Variants in RIT2 observed in about 807,000 individuals in gnomAD.
RIT2 encodes Ras like without CAAX 2.
In RIT2, 24 loss-of-function variants were observed where a neutral mutation model predicts 23.7. That is an observed-to-expected ratio of 1.01 (90% CI 0.73 to 1.43). RIT2 has a LOEUF of 1.43. Among genes scored for constraint, RIT2 ranks in the 40% most tolerant of loss-of-function variants. The pLI, the probability that RIT2 is intolerant of heterozygous loss-of-function variation, is 0.00. For missense variants in RIT2, 236 were observed against 266.9 expected, an observed-to-expected ratio of 0.88 and a Z score of 0.81; for synonymous variants, 107 against 91.1, an observed-to-expected ratio of 1.17 and a Z score of -0.99.
In RIT2 at chr18:42,965,128, T is replaced by C. The variant is rs548662184; in HGVS notation, c.234+8946A>G. 2.0e-5 allele frequency among the ~76,000 whole-genome samples: 3 copies of C among 152,338 alleles called. No individual in the cohort carries two copies. In the East Asian group the frequency reaches 5.8e-4, roughly 29 times the overall value. The stretch of plus-strand genomic sequence containing the variant: ...TGTTTGAATCTGTCATAGCTATCAG[T>C]AATGTTCAGAGAACATGATCCATGT... On this transcript the variant is annotated intron_variant, in intron 3 of 4. Coordinates refer to ENST00000326695, the MANE Select transcript of RIT2 (RefSeq NM_002930.4).
rs535936983 is a variant in RIT2 at position 42,941,915 on chromosome 18, C to G, written c.235-18152G>C. ...AGAAGTTAAATAACCTGTCCAAGAT[C>G]ACACGACTAGTTAGTCGTAGAACTG... On this transcript the variant is annotated intron_variant, in intron 3 of 4. Coordinates refer to ENST00000326695, the MANE Select transcript of RIT2 (RefSeq NM_002930.4). Among the ~76,000 whole-genome samples the G allele has an allele frequency of 3.3e-5, 5 of 152,168 alleles. No individual in the cohort carries two copies. In the South Asian group the frequency reaches 1.0e-3, roughly 32 times the overall value.
intron 4 of RIT2, among the ~76,000 whole-genome samples, chr18:42,827,832 C>T (rs1007115335): frequency 4.8e-4 from 73 of 151,548 alleles, no homozygotes; most frequent in African/African-American, 1.6e-3. Context: ...GGTGAAACCC[C>T]GTCTCTACTA....
chr18:42,749,904 TTACAG>T (rs1295122530), intron 4 of RIT2, among the ~76,000 whole-genome samples: 1 of 151,486 alleles, frequency 6.6e-6, no homozygotes, highest in Non-Finnish European at 1.5e-5. Flanking sequence ...TGCAAATTGT[TTACAG>T]TAACATTATT....
At chr18:42,777,508 T>C (rs1025245225) in intron 4 of RIT2, among the ~76,000 whole-genome samples, 2 of 152,148 alleles carry the variant, frequency 1.3e-5, no homozygotes, top group African/African-American at 4.8e-5. Flanking sequence ...TGTGGAATCC[T>C]GAAAGCCATG....
At chr18:42,799,894 C>A (rs1267345814) in intron 4 of RIT2, among the ~76,000 whole-genome samples, 3 of 152,178 alleles carry the variant, frequency 2.0e-5, no homozygotes, top group South Asian at 2.1e-4. Context: ...TAATCTAATT[C>A]TCCCACCATT....
At chr18:42,910,029 T>C (rs1026193786) in intron 4 of RIT2, among the ~76,000 whole-genome samples, 1 of 152,164 alleles carries the variant, frequency 6.6e-6, no homozygotes, top group African/African-American at 2.4e-5. Context: ...GTTTTTATAC[T>C]TAACTTGAAA....
In RIT2 at chr18:42,964,229, AAATC is replaced by A. The variant is rs528536774; in HGVS notation, c.234+9841_234+9844del. ...AATAAATAAATATAATAAAAAAATA[AAATC>A]AATCAATCAATCAATCTTCAGGCCT... On this transcript the variant is annotated intron_variant, in intron 3 of 4. Coordinates refer to ENST00000326695, the MANE Select transcript of RIT2 (RefSeq NM_002930.4). 8.0e-3 allele frequency among the ~76,000 whole-genome samples: 1,218 copies of A among 151,930 alleles called. 26 individuals carry two copies. Among genetic ancestry groups the A allele is most frequent in the African/African-American group, 0.028 (1,152 of 41,472 alleles).
At chr18:43,014,035 A>G (rs1360485213) in intron 2 of RIT2, among the ~76,000 whole-genome samples, 3 of 151,784 alleles carry the variant, frequency 2.0e-5, no homozygotes, top group African/African-American at 4.8e-5. Flanking sequence ...GGAATTTCAA[A>G]ATAAAAGATA....
intron 2 of RIT2, among the ~76,000 whole-genome samples, chr18:43,004,459 G>A (rs1413569763): frequency 6.6e-6 from 1 of 151,788 alleles, no homozygotes; most frequent in Non-Finnish European, 1.5e-5. Context: ...CATTAAAAAA[G>A]TAATTTTCAA....
rs1434815722 is a variant in RIT2 at position 42,878,578 on chromosome 18, TG to T, written c.426+44993del. On this transcript the variant is annotated intron_variant, in intron 4 of 4. Transcript: ENST00000326695. The stretch of plus-strand genomic sequence containing the variant: ...CAAGATTCAACTCTGTGTGTGTGTG[TG>T]TGTGTGTGTGTGTGTGTGTATGTGT... Among the ~76,000 whole-genome samples the T allele has an allele frequency of 2.0e-5, 3 of 151,508 alleles. No individual in the cohort carries two copies. In the East Asian group the frequency reaches 5.8e-4, roughly 29 times the overall value.
intron 1 of RIT2, among the ~76,000 whole-genome samples, chr18:43,083,687 A>C (rs1023945777): frequency 1.3e-5 from 2 of 152,242 alleles, no homozygotes; most frequent in African/African-American, 4.8e-5. Context: ...TCATATGCAG[A>C]AAACTGAAAC....
chr18:43,084,994 A>G (rs1043007511), intron 1 of RIT2, among the ~76,000 whole-genome samples: 3 of 152,102 alleles, frequency 2.0e-5, no homozygotes, highest in Admixed American at 1.3e-4. Context: ...GGAGTATCTT[A>G]TAGTTCTGTG....
At chr18:43,089,596 A>T (rs998557626) in intron 1 of RIT2, among the ~76,000 whole-genome samples, 21 of 152,002 alleles carry the variant, frequency 1.4e-4, no homozygotes, top group Non-Finnish European at 2.4e-4. Context: ...AAAATAAAAA[A>T]AAAAATAAAG....
At chr18:42,790,815 T>G (rs576432751) in intron 4 of RIT2, among the ~76,000 whole-genome samples, 3 of 152,368 alleles carry the variant, frequency 2.0e-5, no homozygotes, top group Non-Finnish European at 2.9e-5. Flanking sequence ...TAATGATGTG[T>G]TCTCATTTTA....
chr18:42,937,938 T>C (rs1351002633), intron 3 of RIT2, among the ~76,000 whole-genome samples: 3 of 152,104 alleles, frequency 2.0e-5, no homozygotes, highest in African/African-American at 7.2e-5. Context: ...GGTCAAGGCA[T>C]TGGTAGTTCT....
chr18:42,758,017 A>G (rs1018289877), intron 4 of RIT2, among the ~76,000 whole-genome samples: 17 of 148,738 alleles, frequency 1.1e-4, no homozygotes, highest in African/African-American at 4.2e-4. Context: ...TTTTTAATCT[A>G]TTTCAATCCT....
chr18:42,860,975 G>C (rs1332338966), intron 4 of RIT2, among the ~76,000 whole-genome samples: 1 of 152,180 alleles, frequency 6.6e-6, no homozygotes, highest in East Asian at 1.9e-4. Context: ...GTGTGTTTTT[G>C]TGTGTTTCTG....
At chr18:42,750,522 T>C (rs1178548679) in intron 4 of RIT2, among the ~76,000 whole-genome samples, 2 of 151,852 alleles carry the variant, frequency 1.3e-5, no homozygotes. Flanking sequence ...TGTCCTCCAG[T>C]ATAGTAATAT....
chr18:42,908,132 C>G (rs1360156815), intron 4 of RIT2, among the ~76,000 whole-genome samples: 1 of 143,110 alleles, frequency 7.0e-6, no homozygotes, highest in Non-Finnish European at 1.5e-5. Flanking sequence ...AATAACCAAA[C>G]AAAGAAAAAA....
Sources: allele counts gnomAD v4.1 joint callset (sites outside exome capture counted in the v4.1 genomes callset), GRCh38; gene constraint gnomAD v4.1.1; transcripts MANE v1.5; gene names NCBI Gene and HGNC (gene_info 2026-07-23, HGNC 2026-07-21).